RSPO3: variants seen among roughly 807,000 people sequenced by gnomAD.
RSPO3 encodes R-spondin 3.
In RSPO3, 17 loss-of-function variants were observed where a neutral mutation model predicts 36.5. The ratio of observed to expected loss-of-function variants is 0.47; its 90% CI spans 0.32 to 0.70. RSPO3 has a LOEUF of 0.70. Among genes scored for constraint, RSPO3 ranks in the 30% least tolerant of loss-of-function variants. RSPO3 has a pLI of 0.04. For synonymous variants in RSPO3, 108 were observed against 107.0 expected, an observed-to-expected ratio of 1.01 and a Z score of -0.06; for missense variants, 294 against 322.5, an observed-to-expected ratio of 0.91 and a Z score of 0.68.
intron 4 of RSPO3, among the ~76,000 whole-genome samples, chr6:127,193,583 G>C (rs1261491004): frequency 6.6e-6 from 1 of 152,068 alleles, no homozygotes; most frequent in African/African-American, 2.4e-5. Context: ...CCTCAATATG[G>C]AAATATTATG....
chr6:127,192,709 A>G (rs1196706542), intron 4 of RSPO3: 1 of 984,726 alleles, frequency 1.0e-6, no homozygotes, highest in Non-Finnish European at 1.2e-6. Flanking sequence ...CAGTTCAGGC[A>G]GGTACGTGCG....
intron 3 of RSPO3, among the ~76,000 whole-genome samples, chr6:127,154,382 G>T (rs2114590991): frequency 6.6e-6 from 1 of 152,040 alleles, no homozygotes; most frequent in Non-Finnish European, 1.5e-5. Flanking sequence ...ACCTGAGAAA[G>T]CCGTTATTGA....
At chr6:127,120,167 C>G (rs1266712124) in intron 1 of RSPO3, among the ~76,000 whole-genome samples, 3 of 152,270 alleles carry the variant, frequency 2.0e-5, no homozygotes, top group African/African-American at 7.2e-5. Context: ...TGGAATTAAG[C>G]GGACACCACC....
chr6:127,165,536 T>C (rs1026144247), intron 4 of RSPO3, among the ~76,000 whole-genome samples: 1 of 152,040 alleles, frequency 6.6e-6, no homozygotes, highest in Non-Finnish European at 1.5e-5. Context: ...GGTCTTGAAA[T>C]GTATAAGACA....
At chr6:127,140,787 T>C (rs1210280368) in intron 1 of RSPO3, among the ~76,000 whole-genome samples, 2 of 152,294 alleles carry the variant, frequency 1.3e-5, no homozygotes, top group Non-Finnish European at 2.9e-5. Context: ...CTCAACGCAT[T>C]GCAGCCTCAT....
chr6:127,133,362 T>A (rs1313686936), intron 1 of RSPO3, among the ~76,000 whole-genome samples: 1 of 152,140 alleles, frequency 6.6e-6, no homozygotes, highest in South Asian at 2.1e-4. Flanking sequence ...TCTTAGAATC[T>A]AGATTTTCTT....
At chr6:127,176,369 G>A (rs1163036033) in intron 4 of RSPO3, among the ~76,000 whole-genome samples, 3 of 151,708 alleles carry the variant, frequency 2.0e-5, no homozygotes, top group African/African-American at 7.3e-5. Context: ...AGCAGAAAAG[G>A]AAGCCAAATA....
intron 4 of RSPO3, among the ~76,000 whole-genome samples, chr6:127,171,091 A>G (rs1774924945): frequency 6.6e-6 from 1 of 151,838 alleles, no homozygotes; most frequent in African/African-American, 2.4e-5. Flanking sequence ...TATTGAAGTA[A>G]GGTCTAGCCA....
At chr6:127,137,120 C>T (rs370806190) in intron 1 of RSPO3, among the ~76,000 whole-genome samples, 1 of 152,126 alleles carries the variant, frequency 6.6e-6, no homozygotes, top group African/African-American at 2.4e-5. Context: ...GGGCTGGGCA[C>T]GGTGACTCAT....
At chr6:127,166,289 T>C (rs749804666) in intron 4 of RSPO3, among the ~76,000 whole-genome samples, 7 of 152,000 alleles carry the variant, frequency 4.6e-5, no homozygotes, top group Non-Finnish European at 1.0e-4. Context: ...ATTCTGCTAT[T>C]GATGGATTGT....
intron 4 of RSPO3, among the ~76,000 whole-genome samples, chr6:127,174,218 C>T (rs572964828): frequency 2.0e-5 from 3 of 151,804 alleles, no homozygotes; most frequent in Non-Finnish European, 4.4e-5. Flanking sequence ...TAGTCAGGAA[C>T]ACATGGATAT....
At chr6:127,195,709 G>T (rs1270434325) in intron 4 of RSPO3, 114 bp from the exon 5 acceptor site, 1 of 662,798 alleles carries the variant, frequency 1.5e-6, no homozygotes, top group East Asian at 2.9e-5. Context: ...TAGATATTTA[G>T]TATCTATCAT....
intron 4 of RSPO3, among the ~76,000 whole-genome samples, chr6:127,182,531 TTGAG>T (rs1214059628): frequency 1.3e-5 from 2 of 152,024 alleles, no homozygotes; most frequent in East Asian, 1.9e-4. Flanking sequence ...TTCTTAGAGA[TTGAG>T]TAAGACAGTG....
intron 4 of RSPO3, among the ~76,000 whole-genome samples, chr6:127,184,202 T>G (rs1775244867): frequency 6.6e-6 from 1 of 152,006 alleles, no homozygotes; most frequent in Non-Finnish European, 1.5e-5. Flanking sequence ...TCCAAAATAA[T>G]CAGTCCTGTG....
At chr6:127,138,991 C>A (rs1774215026) in intron 1 of RSPO3, among the ~76,000 whole-genome samples, 1 of 152,068 alleles carries the variant, frequency 6.6e-6, no homozygotes, top group Admixed American at 6.6e-5. Flanking sequence ...AATGAGGTCA[C>A]AATGCAGGGA....
intron 4 of RSPO3, among the ~76,000 whole-genome samples, chr6:127,167,150 C>T (rs946619058): frequency 3.3e-5 from 5 of 151,628 alleles, no homozygotes; most frequent in Non-Finnish European, 7.4e-5. Flanking sequence ...TTTTAAGTTC[C>T]GGGGTACATG....
chr6:127,196,248 G>T lies in RSPO3; in HGVS notation c.*241G>T. ...GCTTCTCTGCATTTTTAAAAGACAAGACATTCTTGTACATATTATCAATAG... is the reference window on the plus strand; with the variant it reads ...GCTTCTCTGCATTTTTAAAAGACAATACATTCTTGTACATATTATCAATAG... On this transcript the variant is annotated 3_prime_UTR_variant, in exon 5 of 5. Transcript: ENST00000356698. 1 of 294,498 alleles carries T rather than the reference G, an allele frequency of 3.4e-6. No individual in the cohort carries two copies. Among genetic ancestry groups the T allele is most frequent in the Non-Finnish European group, 6.3e-6 (1 of 159,746 alleles). 18.2% of individuals were successfully genotyped at this position (294,498 alleles called of 1,614,324 possible). A position where few individuals can be genotyped will look rare whatever the true frequency, so the allele number is the denominator to read the frequency against.
intron 4 of RSPO3, among the ~76,000 whole-genome samples, chr6:127,169,089 T>A (rs1774883176): frequency 6.6e-6 from 1 of 151,888 alleles, no homozygotes; most frequent in Admixed American, 6.6e-5. Flanking sequence ...CAAATGGTAT[T>A]TCTGCCTTTA....
chr6:127,129,974 TACA>T lies in RSPO3; in HGVS notation c.97+10686_97+10688del, dbSNP rs1242017036. Among the ~76,000 whole-genome samples, 281 of 152,276 alleles carry T rather than the reference TACA, an allele frequency of 1.8e-3. 1 individual carries two copies. Among genetic ancestry groups the T allele is most frequent in the African/African-American group, 6.4e-3 (265 of 41,572 alleles). On this transcript the variant is annotated intron_variant, in intron 1 of 4. Transcript: ENST00000356698. Reference sequence around the variant, plus strand: ...ACATTTGGCAACAAGAAAATGGTAGTACATTATATCAGACAAGCAATTCTAAAA... The same window carrying T: ...ACATTTGGCAACAAGAAAATGGTAGTTTATATCAGACAAGCAATTCTAAAA...
Sources: gnomAD v4.1 joint callset for allele counts (sites outside exome capture counted in the v4.1 genomes callset) on GRCh38, gnomAD v4.1.1 for gene constraint, MANE v1.5 for transcripts, NCBI Gene and HGNC (gene_info 2026-07-23, HGNC 2026-07-21) for gene names.